UGGT2: variants seen among roughly 807,000 people sequenced by gnomAD.
UGGT2 encodes the protein UDP-glucose glycoprotein glucosyltransferase 2.
A neutral mutation model predicts 192.1 loss-of-function variants in UGGT2; 180 were observed. That is an observed-to-expected ratio of 0.94 (90% CI 0.83 to 1.06). UGGT2 has a LOEUF of 1.06. Ranked by LOEUF, UGGT2 falls within the 50% of genes least tolerant of loss-of-function variation. The probability of loss-of-function intolerance (pLI) is 0.00; values close to 1 mark genes in which losing one functional copy is unlikely to be tolerated. For missense variants in UGGT2, 1,849 were observed against 1,795.7 expected (o/e 1.03, Z -0.54); for synonymous variants, 580 against 591.0 (o/e 0.98, Z 0.27).
chr13:95,939,605 T>G (rs1417283023), intron 16 of UGGT2, among the ~76,000 whole-genome samples: 1 of 152,072 alleles, frequency 6.6e-6, no homozygotes, highest in Admixed American at 6.6e-5. Context: ...TAATATACAT[T>G]GTGGAATAGC....
chr13:95,981,066 A>G (rs1394161451), intron 10 of UGGT2, among the ~76,000 whole-genome samples: 3 of 152,128 alleles, frequency 2.0e-5, no homozygotes, highest in Non-Finnish European at 2.9e-5. Flanking sequence ...TTTATTTTAA[A>G]CTAAATGTTT....
intron 23 of UGGT2, 77 bp from the exon 24 acceptor site, chr13:95,894,734 A>G: frequency 1.6e-6 from 2 of 1,246,204 alleles, no homozygotes; most frequent in South Asian, 1.3e-5. Flanking sequence ...ATGCTTCAAG[A>G]AAGGTTTTAT....
At chr13:95,898,113 G>C (rs546998171) in intron 22 of UGGT2, among the ~76,000 whole-genome samples, 1 of 152,048 alleles carries the variant, frequency 6.6e-6, no homozygotes, top group East Asian at 1.9e-4. Context: ...ACCACCACTA[G>C]AACCATTCTG....
At chr13:95,952,843 T>C (rs1594423818) in intron 12 of UGGT2, among the ~76,000 whole-genome samples, 1 of 152,184 alleles carries the variant, frequency 6.6e-6, no homozygotes, top group Non-Finnish European at 1.5e-5. Flanking sequence ...TCCATACTCA[T>C]GTGGAAAAGA....
intron 6 of UGGT2, among the ~76,000 whole-genome samples, chr13:95,996,867 C>T (rs2051638967): frequency 2.0e-5 from 3 of 152,082 alleles, no homozygotes; most frequent in Admixed American, 6.5e-5. Context: ...CTCATGGTCT[C>T]AAAGAATAAA....
intron 38 of UGGT2, among the ~76,000 whole-genome samples, chr13:95,820,621 A>G (rs540160927): frequency 2.0e-5 from 3 of 152,248 alleles, no homozygotes; most frequent in East Asian, 3.9e-4. Flanking sequence ...TTTTATTTCA[A>G]TAGCTTTTGG....
Position 96,053,361 on chromosome 13 carries a change from G to A in UGGT2, c.-49C>T. On this transcript the variant is annotated 5_prime_UTR_variant, in exon 1 of 39. Transcript: ENST00000376747. ...CCCTCGGACCCGGTACCCACAGTCTGTGGCCGCCACGCTTCGGCCGGCTCT... is the reference window on the plus strand; with the variant it reads ...CCCTCGGACCCGGTACCCACAGTCTATGGCCGCCACGCTTCGGCCGGCTCT... The A allele has an allele frequency of 6.5e-7, 1 of 1,550,374 alleles. No homozygotes were observed. The highest frequency in any genetic ancestry group is 8.6e-7 in the Non-Finnish European group (1 of 1,159,408).
At chr13:96,022,152 C>T (rs1000419873) in intron 4 of UGGT2, among the ~76,000 whole-genome samples, 4 of 151,490 alleles carry the variant, frequency 2.6e-5, no homozygotes, top group Non-Finnish European at 4.4e-5. Context: ...ATGAAATAGA[C>T]CATAATATAA....
chr13:95,971,586 C>T (rs2050774975), intron 11 of UGGT2, among the ~76,000 whole-genome samples: 2 of 152,130 alleles, frequency 1.3e-5, no homozygotes, highest in African/African-American at 2.4e-5. Flanking sequence ...AGAAAACTTT[C>T]TAAAATCTAC....
chr13:95,834,685 T>C (rs1405309645), intron 37 of UGGT2, among the ~76,000 whole-genome samples: 1 of 152,104 alleles, frequency 6.6e-6, no homozygotes, highest in Non-Finnish European at 1.5e-5. Flanking sequence ...ACACCAAAAT[T>C]TGTGCCACTT....
Position 95,807,562 on chromosome 13 carries a change from C to T in UGGT2, c.4529-5750G>A, listed in dbSNP as rs187017110. Among the ~76,000 whole-genome samples the T allele has an allele frequency of 6.6e-5, 10 of 152,074 alleles. No homozygotes were observed. The South Asian group carries it at 1.0e-3, about 16-fold the overall frequency. On this transcript the variant is annotated intron_variant, in intron 38 of 38. Transcript: ENST00000376747. ...AATTGTCTAATGTCAATTTGTTTTC[C>T]GGCACTGCTTCTATGTCTTCTTCCT...
At chr13:95,909,135 G>A (rs867215460) in intron 20 of UGGT2, among the ~76,000 whole-genome samples, 1,578 of 152,134 alleles carry the variant, frequency 0.01, 29 homozygotes, top group African/African-American at 0.036. Context: ...TAAGGTGTAA[G>A]GAAGGGATCC....
chr13:95,863,030 T>C (rs1187136000), intron 31 of UGGT2, among the ~76,000 whole-genome samples: 1 of 152,036 alleles, frequency 6.6e-6, no homozygotes, highest in African/African-American at 2.4e-5. Context: ...AACAGGCTAA[T>C]TTTTAAATTT....
At chr13:95,963,497 C>T (rs551907600) in intron 12 of UGGT2, among the ~76,000 whole-genome samples, 1 of 152,208 alleles carries the variant, frequency 6.6e-6, no homozygotes, top group South Asian at 2.1e-4. Flanking sequence ...ACAAGGATGC[C>T]CACTTTCACC....
intron 24 of UGGT2, 47 bp from the exon 25 acceptor site, chr13:95,891,011 C>T (rs974562248): frequency 2.3e-6 from 3 of 1,331,834 alleles, no homozygotes; most frequent in Admixed American, 2.0e-5. Context: ...TAAGTTTATA[C>T]AAACAACTAA....
chr13:95,877,491 TC>T, intron 28 of UGGT2, 127 bp from the exon 29 acceptor site: 1 of 978,386 alleles, frequency 1.0e-6, no homozygotes, highest in East Asian at 2.7e-5. Context: ...ATAAATCAAT[TC>T]CAAGTAAAGA....
At position 96,024,341 on chromosome 13, in the gene UGGT2, GAGA is replaced by G. The variant is rs377281906; in HGVS notation, c.242-585_242-583del. On this transcript the variant is annotated intron_variant, in intron 2 of 38. Transcript: ENST00000376747. ...ATTCAAAGAACTCAAAGACATAAAG[GAGA>G]AGGAGGGATCCTAGAATTTAATTAA... Among the ~76,000 whole-genome samples, 14 of 152,284 alleles carry G rather than the reference GAGA, an allele frequency of 9.2e-5. No individual in the cohort carries two copies. The East Asian group carries it at 2.7e-3, about 29-fold the overall frequency.
In UGGT2 at chr13:95,815,914, G is replaced by A. The variant is rs192824914; in HGVS notation, c.4529-14102C>T. Among the ~76,000 whole-genome samples the A allele has an allele frequency of 3.6e-3, 553 of 152,222 alleles. 6 individuals are homozygous for A. The highest frequency in any genetic ancestry group is 0.012 in the African/African-American group (517 of 41,526). ...ATGAATGGGTTAGCAGCATTCCCTC[G>A]GTGCTCTTCTTGTGATAGTGAGTGA... is the stretch of plus-strand genomic sequence containing the variant. On this transcript the variant is annotated intron_variant, in intron 38 of 38. Coordinates refer to ENST00000376747, the MANE Select transcript of UGGT2 (RefSeq NM_020121.4).
intron 1 of UGGT2, 113 bp downstream of exon 1, chr13:96,053,042 G>A (rs576937518): frequency 3.7e-6 from 5 of 1,334,456 alleles, no homozygotes; most frequent in Non-Finnish European, 4.9e-6. Context: ...CAGAGCGGGG[G>A]CGTCTGGAGA....
Sources: gnomAD v4.1 joint callset for allele counts (sites outside exome capture counted in the v4.1 genomes callset) on GRCh38, gnomAD v4.1.1 for gene constraint, MANE v1.5 for transcripts, NCBI Gene and HGNC (gene_info 2026-07-23, HGNC 2026-07-21) for gene names.